Variants in METTL6 observed in about 807,000 individuals in gnomAD.
METTL6 encodes the protein methyltransferase 6, tRNA N3-cytidine.
METTL6 carries 22 observed loss-of-function variants against 26.4 expected under a neutral mutation model. The observed-to-expected ratio is 0.83, with a 90% CI of 0.59 to 1.19. METTL6 has a LOEUF of 1.19. Ranked by LOEUF, METTL6 falls within the 50% of genes most tolerant of loss-of-function variation. The pLI is 0.00. For missense variants in METTL6, 304 were observed against 324.8 expected (o/e 0.94, Z 0.49); for synonymous variants, 109 against 116.2 (o/e 0.94, Z 0.40).
At chr3:15,392,292 G>A (rs1324541731) in intron 6 of METTL6, among the ~76,000 whole-genome samples, 1 of 152,168 alleles carries the variant, frequency 6.6e-6, no homozygotes, top group Non-Finnish European at 1.5e-5. Flanking sequence ...CTGCATAAAT[G>A]TCTTCTTTTG....
intron 6 of METTL6, among the ~76,000 whole-genome samples, chr3:15,402,374 G>A (rs964880536): frequency 2.0e-5 from 3 of 152,082 alleles, no homozygotes; most frequent in Admixed American, 2.0e-4. Flanking sequence ...TATCCTCTTG[G>A]GCTGAAGTGA....
At chr3:15,414,200 A>G (rs1204435746) in intron 4 of METTL6, 38 bp from the exon 5 acceptor site, 4 of 1,579,500 alleles carry the variant, frequency 2.5e-6, no homozygotes, top group South Asian at 1.2e-5. Flanking sequence ...ACTTTGGAGA[A>G]CCCTGTCAAA....
chr3:15,423,217 G>A (rs1048856137), intron 3 of METTL6, among the ~76,000 whole-genome samples: 13 of 152,158 alleles, frequency 8.5e-5, no homozygotes, highest in African/African-American at 1.9e-4. Flanking sequence ...CTAACATGGC[G>A]AAACCCCATC....
chr3:15,392,303 A>C (rs1297581341), intron 6 of METTL6, among the ~76,000 whole-genome samples: 12 of 152,094 alleles, frequency 7.9e-5, no homozygotes. Context: ...TCTTCTTTTG[A>C]GAAGTGTCTG....
chr3:15,387,264 T>C (rs1699225035), intron 6 of METTL6, among the ~76,000 whole-genome samples: 1 of 152,238 alleles, frequency 6.6e-6, no homozygotes, highest in South Asian at 2.1e-4. Flanking sequence ...TCTGCCTAAC[T>C]ACCGATTCTA....
At chr3:15,420,943 G>A (rs183007447) in intron 3 of METTL6, among the ~76,000 whole-genome samples, 170 of 152,304 alleles carry the variant, frequency 1.1e-3, no homozygotes, top group Middle Eastern at 3.4e-3. Context: ...TATTATGTAC[G>A]TGTAACATTT....
chr3:15,405,236 C>T (rs1353450332), downstream of METTL6, among the ~76,000 whole-genome samples: 1 of 152,228 alleles, frequency 6.6e-6, no homozygotes, highest in African/African-American at 2.4e-5. Flanking sequence ...GGGGGCCTTG[C>T]AGACGCCTTT....
intron 6 of METTL6, among the ~76,000 whole-genome samples, chr3:15,394,185 G>A (rs1223894276): frequency 2.0e-5 from 3 of 152,072 alleles, no homozygotes; most frequent in Non-Finnish European, 4.4e-5. Flanking sequence ...TCCTGTTATT[G>A]GTCTATTCAG....
chr3:15,398,160 G>A (rs1398338882), intron 6 of METTL6, among the ~76,000 whole-genome samples: 1 of 151,596 alleles, frequency 6.6e-6, no homozygotes, highest in Non-Finnish European at 1.5e-5. Flanking sequence ...GGCATGGCTG[G>A]CCTGGCGTCA....
intron 6 of METTL6, among the ~76,000 whole-genome samples, chr3:15,393,313 A>G (rs1277274565): frequency 6.6e-6 from 1 of 152,192 alleles, no homozygotes; most frequent in Non-Finnish European, 1.5e-5. Flanking sequence ...TTATTGGTGT[A>G]TAAGAATGCT....
intron 6 of METTL6, among the ~76,000 whole-genome samples, chr3:15,394,598 A>T (rs1478579501): frequency 1.6e-5 from 2 of 125,814 alleles, no homozygotes; most frequent in Admixed American, 8.2e-5. Context: ...TTAGGGTGTC[A>T]ATTTTAGATC....
At chr3:15,414,893 G>T in intron 4 of METTL6, 1 of 1,033,864 alleles carries the variant, frequency 9.7e-7, no homozygotes, top group Non-Finnish European at 1.3e-6. Flanking sequence ...CTGCACTCCA[G>T]CCTGAGTGAC....
chr3:15,395,932 T>A lies in METTL6; in HGVS notation c.*12-11745A>T, dbSNP rs143721636. Reference sequence around the variant, plus strand: ...TCTCTCTGGCTGCCCTTAACATTTTTTCCTTCATTTCAACTTTGGTGAATC... The same window carrying A: ...TCTCTCTGGCTGCCCTTAACATTTTATCCTTCATTTCAACTTTGGTGAATC... On this transcript the variant is annotated intron_variant, in intron 6 of 6. Coordinates refer to the METTL6 transcript ENST00000443029. 7.6e-3 allele frequency among the ~76,000 whole-genome samples: 1,152 copies of A among 152,336 alleles called. 23 individuals are homozygous for A. Among genetic ancestry groups the A allele is most frequent in the African/African-American group, 0.027 (1,104 of 41,576 alleles).
chr3:15,427,486 T>G lies in METTL6; in HGVS notation c.-209A>C. The G allele has an allele frequency of 2.1e-6, 1 of 468,756 alleles. No individual in the cohort carries two copies. The highest frequency in any genetic ancestry group is 3.9e-6 in the Non-Finnish European group (1 of 257,526). The allele number at this position is 468,756 out of a possible 1,614,324, so 29.0% of individuals were successfully genotyped here. A position where few individuals can be genotyped will look rare whatever the true frequency, so the allele number is the denominator to read the frequency against. ...CTAAACCAATTCTGAGGACCACGAA[T>G]TCGGATTATCCGGGAGTTCTTTTGC... On this transcript the variant is annotated 5_prime_UTR_variant, in exon 1 of 6. Transcript: ENST00000383790.
intron 6 of METTL6, among the ~76,000 whole-genome samples, chr3:15,393,206 C>A (rs575249149): frequency 8.1e-4 from 123 of 152,304 alleles, no homozygotes; most frequent in African/African-American, 2.6e-3. Context: ...TGAAGAGGTC[C>A]TTCACGTCCC....
chr3:15,414,064 A>G lies in METTL6; in HGVS notation c.630T>C (p.Phe210=), dbSNP rs1444308750. 1.2e-6 allele frequency: 2 copies of G among 1,614,154 alleles called. No individual in the cohort carries two copies. Among genetic ancestry groups the G allele is most frequent in the Admixed American group, 1.7e-5 (1 of 60,016 alleles). The change falls in exon 5 of 6, where the codon TTT becomes TTC. Residue 210 remains phenylalanine (F), a synonymous_variant. Transcript: ENST00000383790. ...ATCTGGTCCCATCTTGTCTAACATA[A>G]AAGTTTTCTCCAAGTTTGCTGCTGG... is the stretch of plus-strand genomic sequence containing the variant. The part of the protein sequence containing the change: ...FKASSKLGEN[F]YVRQDGTRSY...
In METTL6 at chr3:15,399,884, G is replaced by A. The variant is rs182990093; in HGVS notation, c.*11+11361C>T. Among the ~76,000 whole-genome samples the A allele has an allele frequency of 4.7e-3, 715 of 152,122 alleles. 2 individuals carry two copies. The highest frequency in any genetic ancestry group is 0.017 in the Middle Eastern group (5 of 294). ...ATATACTTTGGCATATTTTGAGATG[G>A]CTATTCCAAGAAACTAAAGACACAG... On this transcript the variant is annotated intron_variant, in intron 6 of 6. Coordinates refer to the METTL6 transcript ENST00000443029.
chr3:15,414,357 C>CTTT (rs72324883), intron 4 of METTL6, 195 bp from the exon 5 acceptor site: 66 of 1,118,692 alleles, frequency 5.9e-5, no homozygotes, highest in East Asian at 1.5e-4. Flanking sequence ...TAAGACACTT[C>CTTT]TTTTTTTTTT....
chr3:15,384,173 A>G (rs200482678), exon 7 of METTL6: 48 of 382,764 alleles, frequency 1.3e-4, no homozygotes, highest in Non-Finnish European at 3.5e-5. Context: ...CAGGTTCCAG[A>G]CTTTTGTTTG....
Sources: gnomAD v4.1 joint callset for allele counts (sites outside exome capture counted in the v4.1 genomes callset) on GRCh38, gnomAD v4.1.1 for gene constraint, MANE v1.5 for transcripts, NCBI Gene and HGNC (gene_info 2026-07-23, HGNC 2026-07-21) for gene names.